Variants in DPY19L1 observed in about 807,000 individuals in gnomAD.
DPY19L1 encodes dpy-19 like C-mannosyltransferase 1.
DPY19L1 carries 35 observed loss-of-function variants against 96.9 expected under a neutral mutation model. The observed-to-expected ratio is 0.36, with a 90% CI of 0.28 to 0.48. DPY19L1 has a LOEUF of 0.48. Ranked by LOEUF, DPY19L1 falls within the 20% of genes least tolerant of loss-of-function variation. The pLI, the probability that DPY19L1 is intolerant of heterozygous loss-of-function variation, is 0.99. For synonymous variants in DPY19L1, 205 were observed against 252.6 expected (o/e 0.81, Z 1.79); for missense variants, 521 against 777.9 (o/e 0.67, Z 3.93).
Position 35,018,584 on chromosome 7 carries a change from G to A in DPY19L1, c.311C>T (p.Ala104Val). ...AAAACAATCTTACCAGTGCAACACT[G>A]CTGCAAAAACAGCTGTAAGAAAAAA... is the stretch of plus-strand genomic sequence containing the variant. ...WTTLLLAVFA[A>V]VLHWSHITHL... The change falls in exon 2 of 22, where the codon GCA becomes GTA. Residue 104 changes from alanine (A) to valine (V), a missense_variant. Coordinates refer to ENST00000638088, the MANE Select transcript of DPY19L1 (RefSeq NM_001366673.1). 1 of 1,609,978 alleles carries A rather than the reference G, an allele frequency of 6.2e-7. No individual in the cohort carries two copies. The highest frequency in any genetic ancestry group is 8.5e-7 in the Non-Finnish European group (1 of 1,178,494).
At chr7:35,033,887 A>G (rs1786323789) in intron 1 of DPY19L1, among the ~76,000 whole-genome samples, 1 of 151,934 alleles carries the variant, frequency 6.6e-6, no homozygotes, top group Non-Finnish European at 1.5e-5. Context: ...CGTTGTCACT[A>G]CTGGGGAGAT....
At chr7:34,950,764 A>G (rs78375249) in intron 13 of DPY19L1, among the ~76,000 whole-genome samples, 1 of 152,202 alleles carries the variant, frequency 6.6e-6, no homozygotes, top group Non-Finnish European at 1.5e-5. Context: ...GGAAGAATAT[A>G]CAGCACCTAA....
chr7:34,942,940 T>C (rs558990378), intron 16 of DPY19L1, among the ~76,000 whole-genome samples: 6 of 152,242 alleles, frequency 3.9e-5, no homozygotes, highest in South Asian at 2.1e-4. Flanking sequence ...CAGCAAAGCA[T>C]GGAATGAAAA....
intron 15 of DPY19L1, 22 bp from the exon 16 acceptor site, chr7:34,945,738 C>G: frequency 1.3e-6 from 2 of 1,541,144 alleles, no homozygotes; most frequent in Non-Finnish European, 1.8e-6. Context: ...TTTTGAAACA[C>G]TTTAGAAAAG....
intron 6 of DPY19L1, among the ~76,000 whole-genome samples, chr7:34,995,703 ATTCAAAACTATATTAAATAACTCT>A (rs1399206145): frequency 1.1e-4 from 16 of 152,216 alleles, no homozygotes; most frequent in South Asian, 2.1e-4. Flanking sequence ...ATCAGAGTTA[ATTCAAAACTATATTAAATAACTCT>A]TACGATTTTC....
At chr7:34,963,711 C>CATGT (rs1784552584) in intron 10 of DPY19L1, among the ~76,000 whole-genome samples, 1 of 137,200 alleles carries the variant, frequency 7.3e-6, no homozygotes, top group South Asian at 2.3e-4. Flanking sequence ...TGTGTGTGTG[C>CATGT]GTGTGTGTGT....
intron 19 of DPY19L1, among the ~76,000 whole-genome samples, chr7:34,939,595 A>C (rs1783951962): frequency 6.6e-6 from 1 of 152,242 alleles, no homozygotes; most frequent in Admixed American, 6.5e-5. Context: ...ACAGAGCTTC[A>C]TCATCTCATC....
chr7:35,017,957 T>C lies in DPY19L1; in HGVS notation c.336A>G (p.Thr112=), dbSNP rs766653572. The C allele has an allele frequency of 1.2e-6, 2 of 1,604,118 alleles. No homozygotes were observed. The highest frequency in any genetic ancestry group is 1.1e-5 in the South Asian group (1 of 89,460). The change falls in exon 3 of 22, where the codon ACA becomes ACG. Residue 112 remains threonine (T), a synonymous_variant. Transcript: ENST00000638088. ...AATGACGGTCATTTTCAAAGAGGTG[T>C]GTTATATGGCTCCTGGAAAAACAAA... ...FAAVLHWSHI[T]HLFENDRHFS... is the part of the protein sequence containing the mutation.
chr7:34,970,823 A>C (rs1784709837), intron 8 of DPY19L1, among the ~76,000 whole-genome samples: 1 of 150,806 alleles, frequency 6.6e-6, no homozygotes, highest in Admixed American at 6.7e-5. Flanking sequence ...ACAGAAATGG[A>C]AACATAAATA....
rs1357743603 is a variant in DPY19L1 at position 35,037,205 on chromosome 7, C to A, written c.190G>T (p.Ala64Ser). ...GRKGPRAEPGAPPAGGGLGGR... is the reference protein window; with the variant it reads ...GRKGPRAEPGSPPAGGGLGGR... ...CCAAGGCCGCCCCCGGCGGGCGGCG[C>A]GCCGGGCTCGGCGCGGGGCCCCTTC... The change falls in exon 1 of 22, where the codon GCG becomes TCG. Residue 64 changes from alanine (A) to serine (S), a missense_variant. Coordinates refer to ENST00000638088, the MANE Select transcript of DPY19L1 (RefSeq NM_001366673.1). 1 of 144,706 alleles carries A rather than the reference C, an allele frequency of 6.9e-6. No individual in the cohort carries two copies. Among genetic ancestry groups the A allele is most frequent in the Non-Finnish European group, 1.5e-5 (1 of 66,042 alleles). 9.0% of individuals were successfully genotyped at this position (144,706 alleles called of 1,614,324 possible). A position where few individuals can be genotyped will look rare whatever the true frequency, so the allele number is the denominator to read the frequency against.
chr7:34,980,097 C>T (rs1784908250), intron 7 of DPY19L1, among the ~76,000 whole-genome samples: 1 of 151,930 alleles, frequency 6.6e-6, no homozygotes, highest in Non-Finnish European at 1.5e-5. Context: ...AAAATAAATC[C>T]AAAACTATAT....
chr7:34,957,681 TG>T (rs1383865901), intron 11 of DPY19L1, among the ~76,000 whole-genome samples: 1 of 151,914 alleles, frequency 6.6e-6, no homozygotes, highest in East Asian at 1.9e-4. Flanking sequence ...TGAAGAGGGG[TG>T]GCTGTTACAA....
intron 9 of DPY19L1, 88 bp downstream of exon 9, chr7:34,969,345 T>C (rs1443899471): frequency 2.0e-5 from 13 of 657,964 alleles, no homozygotes; most frequent in East Asian, 3.1e-5. Context: ...CTTAGAACCA[T>C]AGAATATCTC....
intron 11 of DPY19L1, among the ~76,000 whole-genome samples, chr7:34,956,894 A>C (rs1784390512): frequency 6.6e-6 from 1 of 152,234 alleles, no homozygotes; most frequent in Admixed American, 6.5e-5. Context: ...GAAACCCCAA[A>C]TGATCTGAGT....
chr7:34,987,019 T>A (rs1785063600), intron 7 of DPY19L1, among the ~76,000 whole-genome samples: 1 of 151,842 alleles, frequency 6.6e-6, no homozygotes, highest in Admixed American at 6.6e-5. Context: ...AGCTAAACAA[T>A]CCTATTTCAC....
chr7:34,937,868 G>C lies in DPY19L1; in HGVS notation c.2090+126C>G, dbSNP rs1455662145. The C allele has an allele frequency of 1.0e-5, 10 of 974,526 alleles. No individual in the cohort carries two copies. In the South Asian group the frequency reaches 2.0e-4, roughly 19 times the overall value. 60.4% of individuals were successfully genotyped at this position (974,526 alleles called of 1,614,324 possible). ...AGTGAGAGCCTGTTTAAAAAAAAAAGAAGAAGTTTTTCCATGTATACTTTA... is the reference window on the plus strand; with the variant it reads ...AGTGAGAGCCTGTTTAAAAAAAAAACAAGAAGTTTTTCCATGTATACTTTA... On this transcript the variant is annotated intron_variant, in intron 21 of 21. Coordinates refer to ENST00000638088, the MANE Select transcript of DPY19L1 (RefSeq NM_001366673.1).
chr7:34,990,396 AC>A (rs1432057100), intron 6 of DPY19L1, among the ~76,000 whole-genome samples: 7 of 152,220 alleles, frequency 4.6e-5, no homozygotes, highest in Non-Finnish European at 8.8e-5. Flanking sequence ...GGAAAACCCC[AC>A]ACTGCCTACC....
chr7:35,023,863 T>G (rs1584261996), intron 1 of DPY19L1, among the ~76,000 whole-genome samples: 1 of 123,774 alleles, frequency 8.1e-6, no homozygotes, highest in Non-Finnish European at 1.7e-5. Context: ...TGAGACAGGG[T>G]CTTGCTCTGT....
At chr7:34,979,494 T>C (rs1245493256) in intron 7 of DPY19L1, among the ~76,000 whole-genome samples, 2 of 152,144 alleles carry the variant, frequency 1.3e-5, no homozygotes, top group Non-Finnish European at 2.9e-5. Context: ...ATTCTGACTA[T>C]ACCTCCTTAG....
Sources: gnomAD v4.1 joint callset for allele counts (sites outside exome capture counted in the v4.1 genomes callset) on GRCh38, gnomAD v4.1.1 for gene constraint, MANE v1.5 for transcripts, NCBI Gene and HGNC (gene_info 2026-07-23, HGNC 2026-07-21) for gene names.